MYH1: variants seen among roughly 807,000 people sequenced by gnomAD.
MYH1 encodes the protein myosin-1.
MYH1 carries 214 observed loss-of-function variants against 225.6 expected under a neutral mutation model. The observed-to-expected ratio is 0.95, with a 90% CI of 0.85 to 1.06. The LOEUF is 1.06. Among genes scored for constraint, MYH1 ranks in the 50% least tolerant of loss-of-function variants. The pLI is 0.00. For synonymous variants in MYH1, 774 were observed against 842.3 expected (o/e 0.92, Z 1.40); for missense variants, 2,098 against 2,344.2 (o/e 0.89, Z 2.17).
chr17:10,500,630 T>A lies in MYH1; in HGVS notation c.3861A>T (p.Glu1287Asp). Reference sequence around the variant, plus strand: ...CAGTACTGGTACATGGCCCACCTGATTCTGTTTGCAGGCGCGCTCTCTGTG... The same window carrying A: ...CAGTACTGGTACATGGCCCACCTGAATCTGTTTGCAGGCGCGCTCTCTGTG... The part of the protein sequence containing the change: ...LTAQRARLQT[E>D]SGEYSRQLDE... Residue 1287 changes from glutamate to aspartate, a missense_variant, in exon 28 of 40, where the codon GAA becomes GAT. Glu to Asp is a conservative substitution (Grantham distance 45). Coordinates refer to ENST00000226207, the MANE Select transcript of MYH1 (RefSeq NM_005963.4). 6.2e-7 allele frequency: 1 copy of A among 1,613,298 alleles called. No individual in the cohort carries two copies. The highest frequency in any genetic ancestry group is 8.5e-7 in the Non-Finnish European group (1 of 1,180,018).
chr17:10,499,123 C>T, intron 28 of MYH1, 31 bp from the exon 29 acceptor site: 4 of 1,559,646 alleles, frequency 2.6e-6, no homozygotes, highest in Non-Finnish European at 3.5e-6. Flanking sequence ...AAAACTCAAC[C>T]TTACTTTGGA....
chr17:10,498,794 T>G lies in MYH1; in HGVS notation c.4013A>C (p.Gln1338Pro). 1.9e-6 allele frequency: 3 copies of G among 1,614,222 alleles called. No homozygotes were observed. Among genetic ancestry groups the G allele is most frequent in the Non-Finnish European group, 2.5e-6 (3 of 1,180,036 alleles). The part of the protein sequence containing the change: ...KAKSALAHAL[Q>P]SSRHDCDLLR... ...CAGGTCACAGTCATGGCGGGAGGACTGCAGGGCATGTGCCAGGGCACTCTT... is the reference window on the plus strand; with the variant it reads ...CAGGTCACAGTCATGGCGGGAGGACGGCAGGGCATGTGCCAGGGCACTCTT... Residue 1338 changes from glutamine (Q) to proline (P), a missense_variant, in exon 30 of 40, where the codon CAG becomes CCG. Transcript: ENST00000226207.
Position 10,516,266 on chromosome 17 carries a change from A to G in MYH1, c.281T>C (p.Met94Thr), listed in dbSNP as rs941478033. The G allele has an allele frequency of 2.5e-6, 4 of 1,613,892 alleles. No individual in the cohort carries two copies. Among genetic ancestry groups the G allele is most frequent in the East Asian group, 2.2e-5 (1 of 44,858 alleles). ...KYDKIEDMAM[M>T]THLHEPAVLY... ...CACAGCAGGCTCGTGTAGATGAGTC[A>G]TCATGGCCATGTCCTCGATCTTGTC... The change falls in exon 4 of 40, where the codon ATG becomes ACG. Residue 94 changes from methionine (M) to threonine (T), a missense_variant. By Grantham distance (81) the Met-to-Thr change is moderately conservative (BLOSUM62 -1). Transcript: ENST00000226207.
In MYH1 at chr17:10,495,030, GTTC is replaced by G. The variant is rs1256832807; in HGVS notation, c.5364_5366del (p.Lys1788del). 4 of 1,614,208 alleles carry G rather than the reference GTTC, an allele frequency of 2.5e-6. No homozygotes were observed. Among genetic ancestry groups the G allele is most frequent in the Non-Finnish European group, 3.4e-6 (4 of 1,180,046 alleles). ...GCAGGTCCTTCACCGTCTGTTCCAG[GTTC>G]TTCTTCATCCGCTCCAGATGGGCGC... On this transcript the variant is annotated inframe_deletion, in exon 37 of 40. Transcript: ENST00000226207.
chr17:10,516,377 G>A, intron 3 of MYH1, 35 bp from the exon 4 acceptor site: 1 of 1,614,118 alleles, frequency 6.2e-7, no homozygotes. Flanking sequence ...AGATCAAAAA[G>A]TAAGTGCTAA....
At chr17:10,514,249 G>T in intron 6 of MYH1, 125 bp from the exon 7 acceptor site, 1 of 1,127,586 alleles carries the variant, frequency 8.9e-7, no homozygotes, top group Non-Finnish European at 1.3e-6. Flanking sequence ...CCTACATATA[G>T]CTCGTATTAT....
intron 5 of MYH1, 117 bp downstream of exon 5, chr17:10,515,809 C>A: frequency 6.5e-7 from 1 of 1,545,724 alleles, no homozygotes. Flanking sequence ...TTAGTCACCT[C>A]TGCTGAACAA....
chr17:10,500,806 A>T (rs1183532912), intron 27 of MYH1, 54 bp from the exon 28 acceptor site: 1 of 1,610,290 alleles, frequency 6.2e-7, no homozygotes, highest in Non-Finnish European at 8.5e-7. Flanking sequence ...GACCAAAGAA[A>T]GTTTCAGTAA....
rs1444108356 is a variant in MYH1, at chr17:10,504,936, G to A, written c.2565C>T (p.Asn855=). ...TGGTTTTCTCAAATTCTTCCTTCAT[G>A]TTGGCCATCTCCTTCTCTGTCTCTG... The part of the protein sequence containing the change: ...KSAETEKEMA[N]MKEEFEKTKE... Residue 855 remains asparagine, a synonymous_variant, in exon 22 of 40, where the codon AAC becomes AAT. Transcript: ENST00000226207. 6.2e-7 allele frequency: 1 copy of A among 1,613,956 alleles called. No homozygotes were observed. Among genetic ancestry groups the A allele is most frequent in the Admixed American group, 1.7e-5 (1 of 60,006 alleles).
intron 39 of MYH1, among the ~76,000 whole-genome samples, chr17:10,493,321 GTGTT>G (rs1284587588): frequency 6.6e-6 from 1 of 152,148 alleles, no homozygotes; most frequent in Non-Finnish European, 1.5e-5. Context: ...GCACACAAGT[GTGTT>G]TGTTTTCTCT....
intron 35 of MYH1, 85 bp downstream of exon 35, chr17:10,495,865 A>G: frequency 1.0e-5 from 15 of 1,491,302 alleles, no homozygotes; most frequent in Non-Finnish European, 1.3e-5. Context: ...AATCTTATAA[A>G]TAGATTTCTT....
At chr17:10,497,981 C>T in intron 30 of MYH1, 64 bp from the exon 31 acceptor site, 2 of 1,450,674 alleles carry the variant, frequency 1.4e-6, no homozygotes, top group Non-Finnish European at 1.9e-6. Context: ...AAAGTGGGTA[C>T]AAGAGAGTGA....
chr17:10,492,556 T>C lies in MYH1; in HGVS notation c.5680A>G (p.Asn1894Asp). The C allele has an allele frequency of 6.2e-7, 1 of 1,612,834 alleles. No homozygotes were observed. The highest frequency in any genetic ancestry group is 8.5e-7 in the Non-Finnish European group (1 of 1,179,640). The part of the protein sequence containing the change: ...RQAEEAEEQS[N>D]VNLSKFRRIQ... ...CTGCGGAATTTGGAGAGGTTGACGT[T>C]GGATTGTTCCTCCTGTGAATGGAAA... Residue 1894 changes from asparagine to aspartate, a missense_variant, in exon 40 of 40, where the codon AAC (asparagine) becomes GAC (aspartate). By Grantham distance (23) the Asn-to-Asp change is conservative. Coordinates refer to ENST00000226207, the MANE Select transcript of MYH1 (RefSeq NM_005963.4).
rs1365971891 is a variant in MYH1 at position 10,495,327 on chromosome 17, A to C, written c.5170-10T>G. 1 of 1,613,946 alleles carries C rather than the reference A, an allele frequency of 6.2e-7. No individual in the cohort carries two copies. The highest frequency in any genetic ancestry group is 8.5e-7 in the Non-Finnish European group (1 of 1,180,016). ...TGATCAGGCTGGTGTTCTGTTTAAA[A>C]TGTGAAATTTAGAAATATTAGGCAC... On this transcript the variant is annotated splice_polypyrimidine_tract_variant and intron_variant, in intron 35 of 39. Transcript: ENST00000226207.
At chr17:10,517,740 T>C (rs1011699641) in intron 2 of MYH1, among the ~76,000 whole-genome samples, 13 of 152,074 alleles carry the variant, frequency 8.5e-5, no homozygotes, top group Admixed American at 7.9e-4. Context: ...ATATATTCGT[T>C]AATTTTTATT....
Position 10,494,927 on chromosome 17 carries a change from C to A in MYH1, c.5466+4G>T, listed in dbSNP as rs746098467. 9.3e-6 allele frequency: 15 copies of A among 1,613,914 alleles called. No homozygotes were observed. The Middle Eastern group carries it at 4.9e-4, about 53-fold the overall frequency. On this transcript the variant is annotated splice_donor_region_variant and intron_variant, in intron 37 of 39. Transcript: ENST00000226207. ...TAGAAATACATGCTGATTAGGAGAC[C>A]CACCCTGGCCTCCAGTTTCTGGATC...
chr17:10,496,521 A>G lies in MYH1; in HGVS notation c.4685T>C (p.Ile1562Thr). The G allele has an allele frequency of 6.2e-7, 1 of 1,614,092 alleles. No homozygotes were observed. The highest frequency in any genetic ancestry group is 1.1e-5 in the South Asian group (1 of 91,070). ...GTTCAACTCAAGCTGGATGCGCAGG[A>G]TCTTTCCCTCTTCATGTTCAAGAGA... ...EASLEHEEGK[I>T]LRIQLELNQV... is the part of the protein sequence containing the mutation. Residue 1562 changes from isoleucine (I) to threonine (T), a missense_variant, in exon 34 of 40, where the codon ATC becomes ACC. Ile to Thr is a moderately conservative substitution (Grantham distance 89). Transcript: ENST00000226207.
chr17:10,512,919 T>C lies in MYH1; in HGVS notation c.852A>G (p.Arg284=), dbSNP rs747067479. Residue 284 remains arginine, a synonymous_variant, in exon 10 of 40, where the codon AGA becomes AGG. Coordinates refer to ENST00000226207, the MANE Select transcript of MYH1 (RefSeq NM_005963.4). ...SRVTFQLKAE[R]SYHIFYQIMS... is the part of the protein sequence containing the mutation. ...TGATCTGATAAAAAATATGATAGCT[T>C]CTTTCAGCCTTTAGCTGGAAAGTAA... 30 of 1,613,890 alleles carry C rather than the reference T, an allele frequency of 1.9e-5. No individual in the cohort carries two copies. In the South Asian group the frequency reaches 3.2e-4, roughly 17 times the overall value.
At chr17:10,494,777 C>A (rs1183175311) in intron 37 of MYH1, 104 bp from the exon 38 acceptor site, 2 of 1,582,210 alleles carry the variant, frequency 1.3e-6, no homozygotes, top group African/African-American at 1.4e-5. Context: ...GTTTTTAATG[C>A]CCTAGTTCAG....
Sources: allele counts gnomAD v4.1 joint callset (sites outside exome capture counted in the v4.1 genomes callset), GRCh38; gene constraint gnomAD v4.1.1; transcripts MANE v1.5; gene names NCBI Gene and HGNC (gene_info 2026-07-23, HGNC 2026-07-21).